CA10: variants seen among roughly 807,000 people sequenced by gnomAD.
CA10 encodes carbonic anhydrase-related protein 10.
In CA10, 14 loss-of-function variants were observed where a neutral mutation model predicts 44.2. The ratio of observed to expected loss-of-function variants is 0.32; its 90% CI spans 0.21 to 0.50. CA10 has a LOEUF of 0.50. Among genes scored for constraint, CA10 ranks in the 20% least tolerant of loss-of-function variants. The pLI, the probability that CA10 is intolerant of heterozygous loss-of-function variation, is 0.99. For missense variants in CA10, 350 were observed against 409.7 expected, an observed-to-expected ratio of 0.85 and a Z score of 1.26; for synonymous variants, 159 against 141.6, an observed-to-expected ratio of 1.12 and a Z score of -0.87.
intron 1 of CA10, among the ~76,000 whole-genome samples, chr17:52,157,311 C>G (rs765904293): frequency 1.3e-5 from 2 of 152,224 alleles, no homozygotes; most frequent in African/African-American, 4.8e-5. Context: ...TGGTTAGATA[C>G]CCGGGCAGGG....
At chr17:52,091,615 G>A (rs1277327045) in intron 1 of CA10, among the ~76,000 whole-genome samples, 1 of 152,204 alleles carries the variant, frequency 6.6e-6, no homozygotes, top group Non-Finnish European at 1.5e-5. Context: ...CCCTAAGGGT[G>A]ATTGATGAGG....
intron 2 of CA10, among the ~76,000 whole-genome samples, chr17:51,992,766 C>T (rs889555407): frequency 4.6e-5 from 7 of 152,024 alleles, no homozygotes; most frequent in African/African-American, 9.7e-5. Context: ...CTAAGGTTCC[C>T]AAAGTCCAGA....
chr17:52,017,462 A>G, intron 2 of CA10, among the ~76,000 whole-genome samples: 1 of 152,130 alleles, frequency 6.6e-6, no homozygotes, highest in East Asian at 1.9e-4. Context: ...CAAATAACTT[A>G]GCTGCACTGT....
At chr17:52,011,632 T>C (rs1028689810) in intron 2 of CA10, among the ~76,000 whole-genome samples, 1 of 151,948 alleles carries the variant, frequency 6.6e-6, no homozygotes, top group African/African-American at 2.4e-5. Context: ...CTCTGTAACA[T>C]GGGAGAGCTA....
At chr17:51,930,024 G>T (rs1186069105) in intron 3 of CA10, among the ~76,000 whole-genome samples, 2 of 152,008 alleles carry the variant, frequency 1.3e-5, no homozygotes, top group Non-Finnish European at 2.9e-5. Context: ...ACAGTTACAT[G>T]GTACAAGAAA....
At chr17:51,665,750 G>C (rs140397366) in intron 4 of CA10, among the ~76,000 whole-genome samples, 9 of 152,306 alleles carry the variant, frequency 5.9e-5, no homozygotes, top group African/African-American at 1.9e-4. Context: ...CGTAGAAAAG[G>C]CTCAATCAAA....
chr17:52,038,799 C>T (rs548155223), intron 2 of CA10, among the ~76,000 whole-genome samples: 4 of 152,128 alleles, frequency 2.6e-5, no homozygotes, highest in Non-Finnish European at 5.9e-5. Flanking sequence ...TTTCTCTTGC[C>T]AATTTTTTGC....
At chr17:52,061,886 C>T (rs1400599926) in intron 2 of CA10, among the ~76,000 whole-genome samples, 2 of 152,044 alleles carry the variant, frequency 1.3e-5, no homozygotes, top group East Asian at 3.9e-4. Context: ...GAAACTAATA[C>T]AATTACTTTA....
At chr17:51,871,886 CAT>C (rs1478744822) in intron 3 of CA10, among the ~76,000 whole-genome samples, 1 of 152,124 alleles carries the variant, frequency 6.6e-6, no homozygotes, top group Non-Finnish European at 1.5e-5. Flanking sequence ...TTCAAAGACT[CAT>C]GTGTAGGCAA....
At chr17:51,990,506 C>T (rs538898603) in intron 2 of CA10, among the ~76,000 whole-genome samples, 1 of 151,886 alleles carries the variant, frequency 6.6e-6, no homozygotes, top group African/African-American at 2.4e-5. Context: ...CAGTGAAATG[C>T]CCATAAAGGA....
At chr17:51,833,092 C>CCCTCTGGAACCA (rs1908342834) in intron 3 of CA10, among the ~76,000 whole-genome samples, 1 of 152,124 alleles carries the variant, frequency 6.6e-6, no homozygotes, top group African/African-American at 2.4e-5. Flanking sequence ...TTTAAAGAGG[C>CCCTCTGGAACCA]CCTCTGGAAC....
intron 2 of CA10, among the ~76,000 whole-genome samples, chr17:52,025,722 T>C (rs1986279948): frequency 6.6e-6 from 1 of 152,076 alleles, no homozygotes; most frequent in African/African-American, 2.4e-5. Context: ...ATATTTTTGA[T>C]TGTAGAGAAG....
chr17:51,716,473 A>AC (rs1319067837), intron 4 of CA10, among the ~76,000 whole-genome samples: 1 of 152,106 alleles, frequency 6.6e-6, no homozygotes, highest in Admixed American at 6.5e-5. Flanking sequence ...ATTCAGAGAA[A>AC]AAAAGAAGAG....
intron 1 of CA10, among the ~76,000 whole-genome samples, chr17:52,086,441 G>C (rs539681441): frequency 4.1e-4 from 63 of 152,298 alleles, no homozygotes; most frequent in African/African-American, 1.5e-3. Context: ...AAGCGTGGAG[G>C]ATTTTTCAAA....
intron 2 of CA10, among the ~76,000 whole-genome samples, chr17:51,932,191 A>C (rs910828701): frequency 6.6e-6 from 1 of 152,050 alleles, no homozygotes; most frequent in African/African-American, 2.4e-5. Flanking sequence ...GAGACTCCGG[A>C]TGAGGGGAAG....
intron 2 of CA10, among the ~76,000 whole-genome samples, chr17:51,976,620 T>C (rs1240378025): frequency 6.6e-6 from 1 of 152,010 alleles, no homozygotes; most frequent in Non-Finnish European, 1.5e-5. Flanking sequence ...TGGGGGAAAT[T>C]TATAGTGTTA....
intron 3 of CA10, among the ~76,000 whole-genome samples, chr17:51,845,232 G>A (rs563064866): frequency 2.0e-5 from 3 of 152,204 alleles, no homozygotes; most frequent in African/African-American, 7.2e-5. Context: ...TGCTATGGCA[G>A]CCCTAGAACA....
intron 1 of CA10, among the ~76,000 whole-genome samples, chr17:52,156,751 T>C (rs9889989): frequency 1.9e-3 from 288 of 152,308 alleles, no homozygotes; most frequent in African/African-American, 6.2e-3. Context: ...TGCAGAAGAA[T>C]GCAGGCAGAA....
At chr17:51,981,220 C>A (rs1383449601) in intron 2 of CA10, among the ~76,000 whole-genome samples, 1 of 151,980 alleles carries the variant, frequency 6.6e-6, no homozygotes, top group African/African-American at 2.4e-5. Flanking sequence ...GACTTGCACA[C>A]AAATATTCAT....
Sources: allele counts gnomAD v4.1 joint callset (sites outside exome capture counted in the v4.1 genomes callset), GRCh38; gene constraint gnomAD v4.1.1; transcripts MANE v1.5; gene names NCBI Gene and HGNC (gene_info 2026-07-23, HGNC 2026-07-21).